Variants in CA10 observed in about 807,000 individuals in gnomAD.
CA10 encodes the protein carbonic anhydrase-related protein 10.
A neutral mutation model predicts 44.2 loss-of-function variants in CA10; 14 were observed. That is an observed-to-expected ratio of 0.32 (90% CI 0.21 to 0.50). CA10 has a LOEUF of 0.50. CA10 is among the 20% of genes least tolerant of loss of function. The probability of loss-of-function intolerance (pLI) is 0.99; values close to 1 mark genes in which losing one functional copy is unlikely to be tolerated. For synonymous variants in CA10, 159 were observed against 141.6 expected, an observed-to-expected ratio of 1.12 and a Z score of -0.87; for missense variants, 350 against 409.7, an observed-to-expected ratio of 0.85 and a Z score of 1.26.
At chr17:52,108,699 CAAAAAAAAAAAAAAAAA>C (rs759411898) in intron 1 of CA10, among the ~76,000 whole-genome samples, 8 of 91,860 alleles carry the variant, frequency 8.7e-5, no homozygotes, top group African/African-American at 3.0e-4. Context: ...GACTCCGTCT[CAAAAAAAAAAAAAAAAA>C]AAAAAAAAAA....
At chr17:51,933,650 A>T (rs1053133616) in intron 2 of CA10, among the ~76,000 whole-genome samples, 1 of 152,064 alleles carries the variant, frequency 6.6e-6, no homozygotes, top group African/African-American at 2.4e-5. Context: ...GCACCCCTTT[A>T]CCTTTAAAAC....
At chr17:51,688,184 G>A (rs919854895) in intron 4 of CA10, among the ~76,000 whole-genome samples, 20 of 152,142 alleles carry the variant, frequency 1.3e-4, no homozygotes, top group South Asian at 2.1e-4. Flanking sequence ...AGCCACCTTG[G>A]AAGTGAATCT....
At chr17:52,071,342 C>T (rs913573881) in intron 2 of CA10, among the ~76,000 whole-genome samples, 6 of 152,284 alleles carry the variant, frequency 3.9e-5, no homozygotes, top group African/African-American at 7.2e-5. Context: ...CAAAGCCTCA[C>T]GAGTACTTAT....
At chr17:51,899,465 T>G (rs57323560) in intron 3 of CA10, among the ~76,000 whole-genome samples, 18,846 of 151,932 alleles carry the variant, frequency 0.12, 1,749 homozygotes, top group African/African-American at 0.27. Flanking sequence ...GATATTTTAA[T>G]GTCAATTTTG....
intron 2 of CA10, among the ~76,000 whole-genome samples, chr17:52,041,898 G>A (rs1986779223): frequency 6.6e-6 from 1 of 152,022 alleles, no homozygotes; most frequent in African/African-American, 2.4e-5. Context: ...GTTCATTCAT[G>A]TCGTGGCAAG....
chr17:51,878,164 A>AAAAG (rs1980172494), intron 3 of CA10, among the ~76,000 whole-genome samples: 1 of 145,548 alleles, frequency 6.9e-6, no homozygotes, highest in South Asian at 2.1e-4. Context: ...AAAAAAAAAA[A>AAAAG]AAAGAAAAAG....
chr17:52,022,526 C>A (rs1013196772), intron 2 of CA10, among the ~76,000 whole-genome samples: 25 of 152,044 alleles, frequency 1.6e-4, no homozygotes, highest in African/African-American at 6.0e-4. Flanking sequence ...TAGAACAATT[C>A]CCCTATTCTC....
intron 2 of CA10, among the ~76,000 whole-genome samples, chr17:52,052,939 G>C (rs1337562596): frequency 6.6e-6 from 1 of 151,958 alleles, no homozygotes; most frequent in Non-Finnish European, 1.5e-5. Flanking sequence ...GTGTGAGAGA[G>C]AGAGTGTGTG....
intron 1 of CA10, among the ~76,000 whole-genome samples, chr17:52,100,512 A>G (rs1001112949): frequency 6.6e-6 from 1 of 152,160 alleles, no homozygotes; most frequent in Non-Finnish European, 1.5e-5. Context: ...CAAAAGCAAA[A>G]CTCTACATGA....
intron 3 of CA10, among the ~76,000 whole-genome samples, chr17:51,790,106 T>C (rs925176007): frequency 2.0e-5 from 3 of 152,154 alleles, no homozygotes; most frequent in Admixed American, 2.0e-4. Context: ...CATCAGATGC[T>C]TGGACTAACC....
chr17:51,770,581 T>C (rs1179144810), intron 3 of CA10, among the ~76,000 whole-genome samples: 3 of 152,184 alleles, frequency 2.0e-5, no homozygotes, highest in Non-Finnish European at 2.9e-5. Flanking sequence ...TGGTACTGAT[T>C]GTATTAGGCT....
chr17:52,072,427 A>T, intron 1 of CA10, 34 bp from the exon 2 acceptor site: 1 of 1,490,252 alleles, frequency 6.7e-7, no homozygotes, highest in South Asian at 1.1e-5. Flanking sequence ...GATTAAGATG[A>T]TAGCAGAGAA....
At chr17:51,919,700 GGAGTGCAGTGGCAC>G (rs1168558552) in intron 3 of CA10, among the ~76,000 whole-genome samples, 1 of 152,158 alleles carries the variant, frequency 6.6e-6, no homozygotes, top group African/African-American at 2.4e-5. Context: ...CGCCCAGGTT[GGAGTGCAGTGGCAC>G]GATCTCTGCT....
chr17:51,849,189 A>ATATATACATATATGTGTG (rs1485046534), intron 3 of CA10, among the ~76,000 whole-genome samples: 1,422 of 69,878 alleles, frequency 0.02, 57 homozygotes, highest in South Asian at 0.1. Context: ...ATATGTATAT[A>ATATATACATATATGTGTG]TATATATACA....
chr17:52,009,366 T>A (rs1985709009), intron 2 of CA10, among the ~76,000 whole-genome samples: 1 of 151,992 alleles, frequency 6.6e-6, no homozygotes, highest in South Asian at 2.1e-4. Context: ...ATAAATACTT[T>A]ATAACATAAA....
At chr17:51,819,811 C>T (rs1907694333) in intron 3 of CA10, among the ~76,000 whole-genome samples, 1 of 152,176 alleles carries the variant, frequency 6.6e-6, no homozygotes, top group Non-Finnish European at 1.5e-5. Flanking sequence ...TGCCTCCAGA[C>T]TCAGCCTCCA....
At chr17:52,112,953 C>T (rs1988817382) in intron 1 of CA10, among the ~76,000 whole-genome samples, 1 of 152,166 alleles carries the variant, frequency 6.6e-6, no homozygotes, top group South Asian at 2.1e-4. Flanking sequence ...CTTTTCCTCT[C>T]TTTATTCTTG....
chr17:52,101,916 ATTT>A lies in CA10; in HGVS notation c.62-29526_62-29524del, dbSNP rs1192735100. On this transcript the variant is annotated intron_variant, in intron 1 of 8. Coordinates refer to ENST00000451037, the MANE Select transcript of CA10 (RefSeq NM_020178.5). Reference sequence around the variant, plus strand: ...CTCCCTCCCTTTTTTCTTTCCTTCCATTTTTTTTCTCTTTCTCTTCTGTTCACT... The same window carrying A: ...CTCCCTCCCTTTTTTCTTTCCTTCCATTTTTCTCTTTCTCTTCTGTTCACT... 7.3e-5 allele frequency among the ~76,000 whole-genome samples: 11 copies of A among 151,354 alleles called. No individual in the cohort carries two copies. In the East Asian group the frequency reaches 1.9e-3, roughly 27 times the overall value.
chr17:51,783,554 CTT>C, intron 3 of CA10, among the ~76,000 whole-genome samples: 1 of 151,876 alleles, frequency 6.6e-6, no homozygotes, highest in Admixed American at 6.6e-5. Flanking sequence ...CCAATCCAGG[CTT>C]TTTCTATTCC....
Sources: gnomAD v4.1 joint callset for allele counts (sites outside exome capture counted in the v4.1 genomes callset) on GRCh38, gnomAD v4.1.1 for gene constraint, MANE v1.5 for transcripts, NCBI Gene and HGNC (gene_info 2026-07-23, HGNC 2026-07-21) for gene names.